The following CHCHD6 variants were observed in gnomAD, a reference collection of about 807,000 sequenced individuals.
CHCHD6 encodes coiled-coil-helix-coiled-coil-helix domain containing 6.
CHCHD6 carries 28 observed loss-of-function variants against 32.3 expected under a neutral mutation model. The ratio of observed to expected loss-of-function variants is 0.87; its 90% confidence interval spans 0.64 to 1.19. The LOEUF is 1.19. Ranked by LOEUF, CHCHD6 falls within the 50% of genes most tolerant of loss-of-function variation. The pLI, the probability that CHCHD6 is intolerant of heterozygous loss-of-function variation, is 0.00. For synonymous variants in CHCHD6, 122 were observed against 117.5 expected, an observed-to-expected ratio of 1.04 and a Z score of -0.25; for missense variants, 333 against 307.0, an observed-to-expected ratio of 1.08 and a Z score of -0.63.
At chr3:126,827,973 C>G (rs947712640) in intron 4 of CHCHD6, among the ~76,000 whole-genome samples, 2 of 152,114 alleles carry the variant, frequency 1.3e-5, no homozygotes, top group African/African-American at 2.4e-5. Context: ...TCTGAACATC[C>G]TTCACCTATT....
chr3:126,788,089 GT>G (rs1938317250), intron 4 of CHCHD6, among the ~76,000 whole-genome samples: 4 of 152,198 alleles, frequency 2.6e-5, no homozygotes, highest in Middle Eastern at 3.4e-3. Context: ...TAATCATGTT[GT>G]TTTTGTCTTT....
intron 4 of CHCHD6, among the ~76,000 whole-genome samples, chr3:126,842,758 A>C (rs1489052247): frequency 6.6e-6 from 1 of 151,788 alleles, no homozygotes; most frequent in Non-Finnish European, 1.5e-5. Context: ...ATTATTTAAG[A>C]AGACATTTCA....
chr3:126,745,579 T>C (rs751758486), intron 4 of CHCHD6, among the ~76,000 whole-genome samples: 1 of 152,054 alleles, frequency 6.6e-6, no homozygotes, highest in Non-Finnish European at 1.5e-5. Flanking sequence ...TTTTCCACCA[T>C]GGCAAAAAAG....
At chr3:126,939,626 A>T (rs904131775) in intron 6 of CHCHD6, among the ~76,000 whole-genome samples, 2 of 152,238 alleles carry the variant, frequency 1.3e-5, no homozygotes, top group Non-Finnish European at 2.9e-5. Flanking sequence ...GACAGTGTGG[A>T]AAACAGGAAT....
intron 4 of CHCHD6, among the ~76,000 whole-genome samples, chr3:126,761,338 C>G (rs1448889833): frequency 6.6e-6 from 1 of 152,230 alleles, no homozygotes; most frequent in African/African-American, 2.4e-5. Flanking sequence ...ATTCTTCCCT[C>G]TGTGTCTGTC....
At chr3:126,945,752 C>T (rs1420767385) in intron 6 of CHCHD6, among the ~76,000 whole-genome samples, 3 of 132,588 alleles carry the variant, frequency 2.3e-5, no homozygotes, top group East Asian at 2.2e-4. Flanking sequence ...CGGGGGGAGA[C>T]TTGAGTGGGG....
chr3:126,746,194 G>A (rs1936495381), intron 4 of CHCHD6, among the ~76,000 whole-genome samples: 1 of 152,206 alleles, frequency 6.6e-6, no homozygotes. Flanking sequence ...AGTCTCTGTG[G>A]AGTGGCTTCT....
chr3:126,874,999 A>G (rs1236995174), intron 5 of CHCHD6, among the ~76,000 whole-genome samples: 1 of 152,124 alleles, frequency 6.6e-6, no homozygotes, highest in Non-Finnish European at 1.5e-5. Flanking sequence ...CTTGTATTAA[A>G]TGTGTTCTCT....
intron 4 of CHCHD6, among the ~76,000 whole-genome samples, chr3:126,840,652 G>T (rs907913206): frequency 6.6e-6 from 1 of 151,928 alleles, no homozygotes; most frequent in Non-Finnish European, 1.5e-5. Flanking sequence ...TCATGGATAG[G>T]TATATTTTCT....
chr3:126,959,509 G>C (rs1480939090), intron 7 of CHCHD6, among the ~76,000 whole-genome samples: 1 of 152,254 alleles, frequency 6.6e-6, no homozygotes, highest in South Asian at 2.1e-4. Context: ...AGAGAGCGGG[G>C]AGTGAAGGGT....
At chr3:126,900,074 C>G (rs1171928109) in intron 5 of CHCHD6, among the ~76,000 whole-genome samples, 1 of 152,182 alleles carries the variant, frequency 6.6e-6, no homozygotes, top group African/African-American at 2.4e-5. Flanking sequence ...TGAAATTTGA[C>G]AGGAAAAAGT....
At chr3:126,723,495 A>C (rs932647455) in intron 1 of CHCHD6, among the ~76,000 whole-genome samples, 1 of 152,206 alleles carries the variant, frequency 6.6e-6, no homozygotes, top group African/African-American at 2.4e-5. Flanking sequence ...ATTCAAATTC[A>C]GCAACATTTA....
intron 4 of CHCHD6, among the ~76,000 whole-genome samples, chr3:126,840,640 G>A (rs1268697918): frequency 6.6e-6 from 1 of 151,898 alleles, no homozygotes; most frequent in East Asian, 1.9e-4. Flanking sequence ...TATCTAATAT[G>A]GTCATGGATA....
intron 5 of CHCHD6, among the ~76,000 whole-genome samples, chr3:126,905,479 G>A (rs1313960570): frequency 2.6e-5 from 4 of 152,148 alleles, no homozygotes; most frequent in African/African-American, 7.2e-5. Flanking sequence ...GAAGTGCAGC[G>A]CCTACAGGGA....
intron 4 of CHCHD6, among the ~76,000 whole-genome samples, chr3:126,803,989 G>A (rs1939221790): frequency 6.6e-6 from 1 of 152,170 alleles, no homozygotes; most frequent in Admixed American, 6.5e-5. Flanking sequence ...AATGAAGGCA[G>A]AAATAAAGAT....
chr3:126,795,686 C>G (rs918859536), intron 4 of CHCHD6, among the ~76,000 whole-genome samples: 1 of 152,164 alleles, frequency 6.6e-6, no homozygotes, highest in South Asian at 2.1e-4. Context: ...GGCAAGGTAA[C>G]TCGTATCCCT....
rs1013271820 is a variant in CHCHD6 at position 126,727,181 on chromosome 3, A to T, written c.191A>T (p.His64Leu). 6.2e-7 allele frequency: 1 copy of T among 1,600,890 alleles called. No homozygotes were observed. The highest frequency in any genetic ancestry group is 1.3e-5 in the African/African-American group (1 of 74,598). The change falls in exon 2 of 8, where the codon CAC becomes CTC. Residue 64 changes from histidine to leucine, a missense_variant. Physicochemically the swap from His to Leu is moderately conservative, Grantham distance 99 (BLOSUM62 -3). Coordinates refer to ENST00000290913, the MANE Select transcript of CHCHD6 (RefSeq NM_032343.3). Reference protein sequence around the residue: ...GLQDGNLRAPHKESTLPRSGS... With the variant: ...GLQDGNLRAPLKESTLPRSGS... ...CAAGATGGCAACTTGAGAGCCCCTC[A>T]CAAAGGTATGGGGATTGTGACAGTT... is the stretch of plus-strand genomic sequence containing the variant.
chr3:126,825,966 C>T (rs1283412099), intron 4 of CHCHD6, among the ~76,000 whole-genome samples: 2 of 152,186 alleles, frequency 1.3e-5, no homozygotes, highest in African/African-American at 4.8e-5. Context: ...CTCTGAAGGA[C>T]TCTTTCCAAA....
intron 4 of CHCHD6, among the ~76,000 whole-genome samples, chr3:126,755,752 G>T (rs758517821): frequency 1.1e-4 from 17 of 152,138 alleles, no homozygotes; most frequent in Non-Finnish European, 2.2e-4. Context: ...AGATGGGAAT[G>T]AAGTCAAGGC....
Sources: allele counts gnomAD v4.1 joint callset (sites outside exome capture counted in the v4.1 genomes callset), GRCh38; gene constraint gnomAD v4.1.1; transcripts MANE v1.5; gene names NCBI Gene and HGNC (gene_info 2026-07-23, HGNC 2026-07-21).